The following PAX3 variants were observed in gnomAD, a reference collection of about 807,000 sequenced individuals.
PAX3 encodes paired box protein Pax-3.
A neutral mutation model predicts 51.6 loss-of-function variants in PAX3; 14 were observed. The ratio of observed to expected loss-of-function variants is 0.27; its 90% CI spans 0.18 to 0.42. PAX3 has a LOEUF of 0.42. PAX3 is among the 10% of genes least tolerant of loss of function. The probability of loss-of-function intolerance (pLI) is 1.00; values close to 1 mark genes in which losing one functional copy is unlikely to be tolerated. For missense variants in PAX3, 540 were observed against 642.8 expected (o/e 0.84, Z 1.73); for synonymous variants, 280 against 253.4 (o/e 1.11, Z -1.00).
intron 5 of PAX3, among the ~76,000 whole-genome samples, chr2:222,229,362 G>T (rs1692501808): frequency 6.6e-6 from 1 of 151,672 alleles, no homozygotes; most frequent in African/African-American, 2.4e-5. Context: ...GTTAATAAAG[G>T]TTATTTCTAC....
intron 4 of PAX3, among the ~76,000 whole-genome samples, chr2:222,254,905 C>T (rs1693580685): frequency 6.6e-6 from 1 of 152,096 alleles, no homozygotes. Context: ...GTCTCAGCCT[C>T]CCAAGTAGCT....
intron 7 of PAX3, among the ~76,000 whole-genome samples, chr2:222,209,247 T>G (rs1160228903): frequency 6.6e-6 from 1 of 152,190 alleles, no homozygotes; most frequent in Non-Finnish European, 1.5e-5. Flanking sequence ...TAAGCAAATA[T>G]TTCTGTGGCT....
chr2:222,208,319 T>G (rs1414104534), intron 7 of PAX3, among the ~76,000 whole-genome samples: 1 of 151,940 alleles, frequency 6.6e-6, no homozygotes, highest in Non-Finnish European at 1.5e-5. Flanking sequence ...TTTCTATGAA[T>G]GAAAAATATA....
Position 222,256,539 on chromosome 2 carries a change from GGCCCCAGA to G in PAX3, c.587-24264_587-24257del, listed in dbSNP as rs1385364728. 2.6e-5 allele frequency among the ~76,000 whole-genome samples: 4 copies of G among 151,478 alleles called. No individual in the cohort carries two copies. The East Asian group carries it at 5.8e-4, about 22-fold the overall frequency. ...CCCCCTAACCTCCTCCAAGTCCCTCGGCCCCAGAGACTCGGAAACTGCTCTTTGATTTC... is the reference window on the plus strand; with the variant it reads ...CCCCCTAACCTCCTCCAAGTCCCTCGGACTCGGAAACTGCTCTTTGATTTC... On this transcript the variant is annotated intron_variant, in intron 4 of 8. Transcript: ENST00000392070.
chr2:222,211,347 G>T (rs1196914256), intron 7 of PAX3, among the ~76,000 whole-genome samples: 1 of 152,182 alleles, frequency 6.6e-6, no homozygotes, highest in African/African-American at 2.4e-5. Context: ...AAAATGCACA[G>T]CTAGTAAGTG....
At chr2:222,238,661 C>T (rs1455213679) in intron 4 of PAX3, among the ~76,000 whole-genome samples, 1 of 152,100 alleles carries the variant, frequency 6.6e-6, no homozygotes, top group African/African-American at 2.4e-5. Context: ...TATAAGATGG[C>T]CTCATACCAA....
intron 7 of PAX3, among the ~76,000 whole-genome samples, chr2:222,203,012 CATATAT>C (rs71053057): frequency 0.2 from 8,010 of 40,520 alleles, 613 homozygotes; most frequent in Non-Finnish European, 0.28. Flanking sequence ...ACAACCATTT[CATATAT>C]ATATATATAT....
At chr2:222,204,989 TG>T (rs1559251923) in intron 7 of PAX3, among the ~76,000 whole-genome samples, 1 of 152,204 alleles carries the variant, frequency 6.6e-6, no homozygotes, top group African/African-American at 2.4e-5. Context: ...ATACATTTTT[TG>T]TTTGCATAAC....
intron 4 of PAX3, among the ~76,000 whole-genome samples, chr2:222,277,236 A>T (rs998587495): frequency 6.6e-6 from 1 of 152,166 alleles, no homozygotes; most frequent in African/African-American, 2.4e-5. Flanking sequence ...TCATGGATCC[A>T]CTAGCTGTGG....
At chr2:222,216,783 A>G (rs1354362093) in intron 7 of PAX3, among the ~76,000 whole-genome samples, 2 of 152,206 alleles carry the variant, frequency 1.3e-5, no homozygotes, top group Non-Finnish European at 2.9e-5. Context: ...TTCCTTGATG[A>G]GAAACTAGAA....
At chr2:222,296,125 G>A (rs1416466094) in intron 2 of PAX3, among the ~76,000 whole-genome samples, 1 of 152,190 alleles carries the variant, frequency 6.6e-6, no homozygotes, top group South Asian at 2.1e-4. Flanking sequence ...GTATGTATTT[G>A]GGTTTTTAAA....
chr2:222,201,196 T>C lies in PAX3; in HGVS notation c.*212A>G, dbSNP rs1691275148. The C allele has an allele frequency of 6.2e-7, 1 of 1,613,978 alleles. No homozygotes were observed. Among genetic ancestry groups the C allele is most frequent in the African/African-American group, 1.3e-5 (1 of 74,906 alleles). On this transcript the variant is annotated 3_prime_UTR_variant, in exon 9 of 9. Coordinates refer to ENST00000392070, the MANE Select transcript of PAX3 (RefSeq NM_181458.4). ...CTTTTATTGCTCCAGGTCTTCCTCT[T>C]CTCCACTGCTTTTGTCGAACGTGTT...
At chr2:222,219,649 C>T (rs1692106217) in intron 7 of PAX3, among the ~76,000 whole-genome samples, 1 of 152,168 alleles carries the variant, frequency 6.6e-6, no homozygotes, top group Admixed American at 6.5e-5. Context: ...AGCTGGGTCT[C>T]TCTCCACAGG....
intron 4 of PAX3, among the ~76,000 whole-genome samples, chr2:222,252,690 T>C (rs1291683023): frequency 6.6e-6 from 1 of 152,164 alleles, no homozygotes; most frequent in Non-Finnish European, 1.5e-5. Flanking sequence ...CAGATGTTAA[T>C]GAATCCAGAG....
At chr2:222,213,587 C>T (rs1398212918) in intron 7 of PAX3, among the ~76,000 whole-genome samples, 1 of 152,136 alleles carries the variant, frequency 6.6e-6, no homozygotes, top group Non-Finnish European at 1.5e-5. Context: ...CTTTGAGAGG[C>T]TGCCACTTTT....
intron 4 of PAX3, among the ~76,000 whole-genome samples, chr2:222,240,241 C>G (rs1692960716): frequency 6.6e-6 from 1 of 152,156 alleles, no homozygotes; most frequent in South Asian, 2.1e-4. Flanking sequence ...TAATGCACAA[C>G]ATGGACTATT....
chr2:222,211,065 C>T (rs1031296107), intron 7 of PAX3, among the ~76,000 whole-genome samples: 5 of 152,104 alleles, frequency 3.3e-5, no homozygotes, highest in South Asian at 2.1e-4. Context: ...CGAGGTCTCA[C>T]TATGTTGCCT....
intron 5 of PAX3, among the ~76,000 whole-genome samples, chr2:222,227,984 G>A (rs1692448647): frequency 6.6e-6 from 1 of 152,146 alleles, no homozygotes; most frequent in African/African-American, 2.4e-5. Flanking sequence ...TTTGGGGGGT[G>A]TTTCGTGTTT....
At chr2:222,245,787 T>A (rs1237071369) in intron 4 of PAX3, among the ~76,000 whole-genome samples, 1 of 143,044 alleles carries the variant, frequency 7.0e-6, no homozygotes, top group African/African-American at 2.6e-5. Context: ...CTGGCCAACA[T>A]GGTGAAACCC....
Sources: gnomAD v4.1 joint callset for allele counts (sites outside exome capture counted in the v4.1 genomes callset) on GRCh38, gnomAD v4.1.1 for gene constraint, MANE v1.5 for transcripts, NCBI Gene and HGNC (gene_info 2026-07-23, HGNC 2026-07-21) for gene names.